Variants in FARS2 observed in about 807,000 individuals in gnomAD.
FARS2 encodes the protein phenylalanine--tRNA ligase, mitochondrial.
Under a neutral mutation model 46.4 loss-of-function variants are expected in FARS2, and 40 were observed. The ratio of observed to expected loss-of-function variants is 0.86; its 90% CI spans 0.67 to 1.12. The LOEUF is 1.12. Among genes scored for constraint, FARS2 ranks in the 50% most tolerant of loss-of-function variants. The pLI is 0.00. For missense variants in FARS2, 513 were observed against 567.9 expected, an observed-to-expected ratio of 0.90 and a Z score of 0.98; for synonymous variants, 234 against 214.9, an observed-to-expected ratio of 1.09 and a Z score of -0.78.
chr6:5,341,217 ATATATATATATATATATAT>A lies in FARS2; in HGVS notation c.-21-27331_-21-27313del, dbSNP rs1157589342. On this transcript the variant is annotated intron_variant, in intron 1 of 6. Transcript: ENST00000274680. ...TATATATATATATATATATATATAT[ATATATATATATATATATAT>A]TTTTTTTTTTTTTTTTTTTTTCCCT... 3.7e-3 allele frequency among the ~76,000 whole-genome samples: 22 copies of A among 5,988 alleles called. 1 individual carries two copies. Among genetic ancestry groups the A allele is most frequent in the African/African-American group, 9.4e-3 (18 of 1,924 alleles). 3.9% of individuals were successfully genotyped at this position (5,988 alleles called of 152,430 possible).
At chr6:5,533,172 G>A (rs1769971850) in intron 4 of FARS2, among the ~76,000 whole-genome samples, 1 of 152,150 alleles carries the variant, frequency 6.6e-6, no homozygotes, top group African/African-American at 2.4e-5. Flanking sequence ...GTATACAGTA[G>A]AACTCAGCGA....
chr6:5,272,021 T>A (rs963099248), intron 1 of FARS2, among the ~76,000 whole-genome samples: 1 of 152,206 alleles, frequency 6.6e-6, no homozygotes, highest in African/African-American at 2.4e-5. Flanking sequence ...AAATATGTAA[T>A]GGAGAATTCC....
intron 4 of FARS2, among the ~76,000 whole-genome samples, chr6:5,537,631 G>A (rs553912038): frequency 8.9e-4 from 134 of 151,284 alleles, no homozygotes; most frequent in African/African-American, 3.1e-3. Context: ...GCTTCCTCTC[G>A]AGTTGGAGAT....
At position 5,338,337 on chromosome 6, in the gene FARS2, A is replaced by G. The variant is rs115622569; in HGVS notation, c.-21-30213A>G. Among the ~76,000 whole-genome samples, 342 of 152,298 alleles carry G rather than the reference A, an allele frequency of 2.2e-3. 1 individual carries two copies. The highest frequency in any genetic ancestry group is 7.9e-3 in the African/African-American group (328 of 41,552). On this transcript the variant is annotated intron_variant, in intron 1 of 6. Transcript: ENST00000274680. ...TGTATTGTGCTTTTGTTTTTACTAA[A>G]GCTGAAAACATCTATCTGTTTGCTC...
chr6:5,497,013 C>T (rs904267064), intron 4 of FARS2, among the ~76,000 whole-genome samples: 1 of 152,038 alleles, frequency 6.6e-6, no homozygotes, highest in Non-Finnish European at 1.5e-5. Flanking sequence ...GGGCATGATT[C>T]AGCCCCAAAT....
intron 6 of FARS2, among the ~76,000 whole-genome samples, chr6:5,735,817 G>A (rs1358488600): frequency 6.6e-6 from 1 of 152,180 alleles, no homozygotes; most frequent in Non-Finnish European, 1.5e-5. Context: ...GGCTGGACCT[G>A]TCTGTGGCAC....
At chr6:5,333,060 A>G (rs895635858) in intron 1 of FARS2, among the ~76,000 whole-genome samples, 9 of 152,346 alleles carry the variant, frequency 5.9e-5, no homozygotes, top group South Asian at 2.1e-4. Flanking sequence ...GGTAACCTCT[A>G]AAGTGTACCA....
Position 5,343,784 on chromosome 6 carries a change from C to T in FARS2, c.-21-24766C>T, listed in dbSNP as rs1757050947. ...TTTGTCTTGGTAGCTGTCTACTGTA[C>T]TAATATTCATGCCTCTCTGCCCAAG... On this transcript the variant is annotated intron_variant, in intron 1 of 6. Transcript: ENST00000274680. The surrounding 1 kb of genome is among the most constrained non-coding windows in gnomAD (Gnocchi z 4.5). Among the ~76,000 whole-genome samples, 1 of 152,160 alleles carries T rather than the reference C, an allele frequency of 6.6e-6. No individual in the cohort carries two copies. The highest frequency in any genetic ancestry group is 2.1e-4 in the South Asian group (1 of 4,828).
At chr6:5,260,598 T>TGCCCCGGGCCCGGGGCCCCCCCCCCCC, upstream of FARS2, 1 of 1,105,570 alleles carries the variant, frequency 9.0e-7, no homozygotes, top group Non-Finnish European at 1.3e-6. Flanking sequence ...GCACCCCCGG[T>TGCCCCGGGCCCGGGGCCCCCCCCCCCC]CCCCGGCCCC....
At chr6:5,510,823 G>A (rs780186845) in intron 4 of FARS2, among the ~76,000 whole-genome samples, 8 of 151,922 alleles carry the variant, frequency 5.3e-5, no homozygotes, top group Non-Finnish European at 1.2e-4. Flanking sequence ...ACCTCAGGAA[G>A]TTAATGAGCC....
intron 4 of FARS2, among the ~76,000 whole-genome samples, chr6:5,515,980 A>G (rs1166997860): frequency 5.3e-5 from 8 of 152,216 alleles, no homozygotes; most frequent in African/African-American, 1.7e-4. Context: ...GTAATTAAGC[A>G]TGAGCTGCTG....
In FARS2 at chr6:5,268,442, A is replaced by G. The variant is rs566794820; in HGVS notation, c.-22+6782A>G. Among the ~76,000 whole-genome samples the G allele has an allele frequency of 6.3e-4, 96 of 152,320 alleles. 1 individual carries two copies. Among genetic ancestry groups the G allele is most frequent in the African/African-American group, 2.3e-3 (94 of 41,576 alleles). On this transcript the variant is annotated intron_variant, in intron 1 of 6. Transcript: ENST00000274680. ...CATATGGCTAGCCAGTTTTCCCAGC[A>G]CCATTTATTAAATAGGGAATCCTTT...
chr6:5,660,388 G>A (rs1432891881), intron 6 of FARS2, among the ~76,000 whole-genome samples: 7 of 152,174 alleles, frequency 4.6e-5, no homozygotes, highest in South Asian at 2.1e-4. Flanking sequence ...TCACAGGCCC[G>A]TAATTCCAAT....
At chr6:5,691,219 C>G (rs1252656878) in intron 6 of FARS2, among the ~76,000 whole-genome samples, 3 of 152,188 alleles carry the variant, frequency 2.0e-5, no homozygotes, top group African/African-American at 7.2e-5. Flanking sequence ...CAGCTTTGTT[C>G]CATTGCTGGT....
chr6:5,423,723 G>A (rs1268727353), intron 3 of FARS2, among the ~76,000 whole-genome samples: 5 of 152,080 alleles, frequency 3.3e-5, no homozygotes, highest in African/African-American at 1.2e-4. Flanking sequence ...TAGTAGGAAT[G>A]GTTTTATTCC....
intron 3 of FARS2, among the ~76,000 whole-genome samples, chr6:5,407,043 T>TTATATATATA (rs201074448): frequency 0.042 from 3,550 of 83,752 alleles, 400 homozygotes; most frequent in African/African-American, 0.15. Context: ...AGGTGGCAAA[T>TTATATATATA]TATATATATA....
At chr6:5,389,378 T>C (rs971641333) in intron 2 of FARS2, among the ~76,000 whole-genome samples, 2 of 152,202 alleles carry the variant, frequency 1.3e-5, no homozygotes, top group African/African-American at 4.8e-5. Context: ...AGATGCTGGT[T>C]GGCACAGCCT....
intron 6 of FARS2, among the ~76,000 whole-genome samples, chr6:5,688,525 G>C (rs1041640083): frequency 6.6e-6 from 1 of 152,140 alleles, no homozygotes; most frequent in Non-Finnish European, 1.5e-5. Flanking sequence ...GTATGTTGAA[G>C]CAGCCTTGCA....
rs1765558553 is a variant in FARS2 at position 5,467,135 on chromosome 6, T to A, written c.904+35963T>A. ...CCCTCCATTTTTAAGAATTAGTTTG[T>A]TTAAATTAGATTAAATGTTTCTATC... is the stretch of plus-strand genomic sequence containing the variant. On this transcript the variant is annotated intron_variant, in intron 4 of 6. Coordinates refer to ENST00000274680, the MANE Select transcript of FARS2 (RefSeq NM_006567.5). 4.2e-6 allele frequency: 4 copies of A among 954,036 alleles called. No homozygotes were observed. In the South Asian group the frequency reaches 1.9e-4, roughly 46 times the overall value. The allele number at this position is 954,036 out of a possible 1,614,324, so 59.1% of individuals were successfully genotyped here.
Sources: gnomAD v4.1 joint callset for allele counts (sites outside exome capture counted in the v4.1 genomes callset) on GRCh38, gnomAD v4.1.1 for gene constraint, Gnocchi (gnomAD v3.1) non-coding constraint, MANE v1.5 for transcripts, NCBI Gene and HGNC (gene_info 2026-07-23, HGNC 2026-07-21) for gene names.